The following DSCAM variants were observed in gnomAD, a reference collection of about 807,000 sequenced individuals.
DSCAM encodes cell adhesion molecule DSCAM.
Under a neutral mutation model 217.7 loss-of-function variants are expected in DSCAM, and 47 were observed. That is an observed-to-expected ratio of 0.22 (90% CI 0.17 to 0.28). The LOEUF (loss-of-function observed/expected upper bound fraction) is 0.28, where lower values mean the gene tolerates loss of function less well. DSCAM is among the 10% of genes least tolerant of loss of function. The probability of loss-of-function intolerance (pLI) is 1.00; values close to 1 mark genes in which losing one functional copy is unlikely to be tolerated. For missense variants in DSCAM, 2,080 were observed against 2,618.3 expected, an observed-to-expected ratio of 0.79 and a Z score of 4.49; for synonymous variants, 1,056 against 1,015.3, an observed-to-expected ratio of 1.04 and a Z score of -0.76.
Position 40,226,597 on chromosome 21 carries a change from G to T in DSCAM, c.2357-37359C>A, listed in dbSNP as rs557975858. Among the ~76,000 whole-genome samples, 3 of 152,228 alleles carry T rather than the reference G, an allele frequency of 2.0e-5. No individual in the cohort carries two copies. The East Asian group carries it at 5.8e-4, about 29-fold the overall frequency. On this transcript the variant is annotated intron_variant, in intron 11 of 32. Coordinates refer to ENST00000400454, the MANE Select transcript of DSCAM (RefSeq NM_001389.5). ...CCAAACCCATGCAGCCCTCCACAAA[G>T]ACCTCATTGTGTCAGGCTGTAACAA...
chr21:40,575,268 A>G (rs553984251), intron 3 of DSCAM, among the ~76,000 whole-genome samples: 1 of 146,376 alleles, frequency 6.8e-6, no homozygotes, highest in South Asian at 2.2e-4. Flanking sequence ...TCCTTTACCT[A>G]CCCAAATCTT....
chr21:40,014,188 C>T (rs868159837), intron 32 of DSCAM, among the ~76,000 whole-genome samples: 1 of 152,142 alleles, frequency 6.6e-6, no homozygotes, highest in Non-Finnish European at 1.5e-5. Context: ...GTCAGGAGTT[C>T]AAGACCAGCC....
chr21:40,475,930 C>T (rs1044189987), intron 3 of DSCAM, among the ~76,000 whole-genome samples: 3 of 152,130 alleles, frequency 2.0e-5, no homozygotes, highest in African/African-American at 7.2e-5. Context: ...GTATTTCATT[C>T]CATTTTTGAT....
In DSCAM at chr21:40,062,776, A is replaced by C. The variant is rs558451998; in HGVS notation, c.4919+93T>G. The C allele has an allele frequency of 5.9e-6, 7 of 1,192,506 alleles. No homozygotes were observed. The East Asian group carries it at 1.6e-4, about 27-fold the overall frequency. 73.9% of individuals were successfully genotyped at this position (1,192,506 alleles called of 1,614,324 possible). ...AAAAAGAAAAGACATTATCAATTTC[A>C]GACTGCCATTATTAAAAAAATAGAA... On this transcript the variant is annotated intron_variant, in intron 28 of 32. Coordinates refer to ENST00000400454, the MANE Select transcript of DSCAM (RefSeq NM_001389.5).
intron 10 of DSCAM, among the ~76,000 whole-genome samples, chr21:40,288,551 A>G (rs2073854583): frequency 6.6e-6 from 1 of 152,232 alleles, no homozygotes; most frequent in African/African-American, 2.4e-5. Context: ...AACTTCTAAT[A>G]CGTATGGTGC....
In DSCAM at chr21:40,266,777, C is replaced by CATACAT. The variant is rs1555896634; in HGVS notation, c.2356+9319_2356+9320insATGTAT. Among the ~76,000 whole-genome samples, 42 of 109,102 alleles carry CATACAT rather than the reference C, an allele frequency of 3.8e-4. No homozygotes were observed. In the East Asian group the frequency reaches 6.6e-3, roughly 17 times the overall value. 71.6% of individuals were successfully genotyped at this position (109,102 alleles called of 152,430 possible). On this transcript the variant is annotated intron_variant, in intron 11 of 32. Coordinates refer to ENST00000400454, the MANE Select transcript of DSCAM (RefSeq NM_001389.5). The stretch of plus-strand genomic sequence containing the variant: ...TATATCATCTTGAAATTTTCACATG[C>CATACAT]ATATATATATATATATATATATACA...
intron 8 of DSCAM, among the ~76,000 whole-genome samples, chr21:40,323,027 C>A (rs2074277301): frequency 6.6e-6 from 1 of 152,168 alleles, no homozygotes; most frequent in South Asian, 2.1e-4. Context: ...CAGAGGCCCA[C>A]TTCACCCAAG....
intron 3 of DSCAM, among the ~76,000 whole-genome samples, chr21:40,676,069 T>C (rs556393844): frequency 4.6e-5 from 7 of 152,366 alleles, no homozygotes; most frequent in African/African-American, 1.7e-4. Context: ...AACAAGTGTA[T>C]ATTTTAAATA....
At chr21:40,424,538 T>C (rs952350458) in intron 3 of DSCAM, among the ~76,000 whole-genome samples, 2 of 152,124 alleles carry the variant, frequency 1.3e-5, no homozygotes, top group African/African-American at 4.8e-5. Flanking sequence ...AGGGAGAACA[T>C]GGCCCTGCAG....
At chr21:40,116,759 T>C (rs750416686) in intron 20 of DSCAM, among the ~76,000 whole-genome samples, 83 of 151,220 alleles carry the variant, frequency 5.5e-4, no homozygotes, top group Non-Finnish European at 1.0e-3. Context: ...TCCCAGCACT[T>C]TGGGAGGCCG....
intron 21 of DSCAM, among the ~76,000 whole-genome samples, chr21:40,093,278 G>A (rs1317190639): frequency 6.6e-6 from 1 of 152,162 alleles, no homozygotes; most frequent in Non-Finnish European, 1.5e-5. Flanking sequence ...GTTACTTAAA[G>A]TCTTTGCTTA....
intron 13 of DSCAM, 88 bp from the exon 14 acceptor site, chr21:40,187,347 C>G: frequency 2.0e-6 from 3 of 1,519,338 alleles, no homozygotes; most frequent in Non-Finnish European, 2.7e-6. Context: ...GACTCACAAA[C>G]GATTTGTCTG....
At chr21:40,473,443 A>G (rs1033418254) in intron 3 of DSCAM, among the ~76,000 whole-genome samples, 3 of 152,216 alleles carry the variant, frequency 2.0e-5, no homozygotes, top group Admixed American at 1.3e-4. Context: ...AATGGCTGCC[A>G]TGCTTTCCAA....
At chr21:40,674,385 G>A (rs1415698427) in intron 3 of DSCAM, among the ~76,000 whole-genome samples, 1 of 152,110 alleles carries the variant, frequency 6.6e-6, no homozygotes, top group African/African-American at 2.4e-5. Context: ...AATTGCTCAT[G>A]TTTAAACATG....
intron 3 of DSCAM, among the ~76,000 whole-genome samples, chr21:40,595,984 G>T (rs966576841): frequency 1.3e-4 from 20 of 152,328 alleles, no homozygotes; most frequent in Non-Finnish European, 2.9e-4. Flanking sequence ...TGCGTGTCTG[G>T]ACTGATTCTT....
chr21:40,411,718 C>T (rs1425383958), intron 3 of DSCAM, among the ~76,000 whole-genome samples: 5 of 151,912 alleles, frequency 3.3e-5, no homozygotes, highest in Non-Finnish European at 7.4e-5. Flanking sequence ...CACACATTAC[C>T]AATATAAGTA....
chr21:40,605,794 T>C (rs1337508018), intron 3 of DSCAM, among the ~76,000 whole-genome samples: 2 of 108,466 alleles, frequency 1.8e-5, no homozygotes, highest in African/African-American at 8.3e-5. Flanking sequence ...GCACATTCTT[T>C]TTTTTTTTTT....
chr21:40,768,920 T>G (rs942321389), intron 1 of DSCAM, among the ~76,000 whole-genome samples: 4 of 152,178 alleles, frequency 2.6e-5, no homozygotes, highest in African/African-American at 9.7e-5. Flanking sequence ...GAGGCCCAAT[T>G]GAGACAGGCT....
At chr21:40,433,183 C>A (rs2075551400) in intron 3 of DSCAM, among the ~76,000 whole-genome samples, 1 of 151,676 alleles carries the variant, frequency 6.6e-6, no homozygotes, top group African/African-American at 2.4e-5. Context: ...ACGGTGAAAC[C>A]CTGTCTCTAC....
Sources: gnomAD v4.1 joint callset for allele counts (sites outside exome capture counted in the v4.1 genomes callset) on GRCh38, gnomAD v4.1.1 for gene constraint, MANE v1.5 for transcripts, NCBI Gene and HGNC (gene_info 2026-07-23, HGNC 2026-07-21) for gene names.